BCL7A: variants seen among roughly 807,000 people sequenced by gnomAD.
BCL7A encodes BAF chromatin remodeling complex subunit BCL7A.
Under a neutral mutation model 28.4 loss-of-function variants are expected in BCL7A, and 11 were observed. That is an observed-to-expected ratio of 0.39 (90% CI 0.24 to 0.64). The LOEUF (loss-of-function observed/expected upper bound fraction) is 0.64. Among genes scored for constraint, BCL7A ranks in the 30% least tolerant of loss-of-function variants. The probability of loss-of-function intolerance (pLI) is 0.50; values close to 1 mark genes in which losing one functional copy is unlikely to be tolerated. For synonymous variants in BCL7A, 123 were observed against 103.3 expected (o/e 1.19, Z -1.15); for missense variants, 222 against 274.8 (o/e 0.81, Z 1.36).
In BCL7A at chr12:122,060,683, T is replaced by C. The variant is rs1312837237; in HGVS notation, c.*1520T>C. 2 of 233,176 alleles carry C rather than the reference T, an allele frequency of 8.6e-6. No individual in the cohort carries two copies. Among genetic ancestry groups the C allele is most frequent in the African/African-American group, 2.2e-5 (1 of 45,322 alleles). 14.4% of individuals were successfully genotyped at this position (233,176 alleles called of 1,614,324 possible). Reference sequence around the variant, plus strand: ...GGGTTTTGTTGTTTTTGGGGGCTAATTGGTGCATATTCAGGTACCACCTTT... The same window carrying C: ...GGGTTTTGTTGTTTTTGGGGGCTAACTGGTGCATATTCAGGTACCACCTTT... On this transcript the variant is annotated 3_prime_UTR_variant, in exon 6 of 6. Transcript: ENST00000261822.
At chr12:122,042,649 C>CAA (rs55633660) in intron 3 of BCL7A, among the ~76,000 whole-genome samples, 1,596 of 117,384 alleles carry the variant, frequency 0.014, 34 homozygotes, top group African/African-American at 0.05. Flanking sequence ...GACTCCATCT[C>CAA]AAAAAAAAAA....
chr12:122,031,087 T>C (rs924963188), intron 2 of BCL7A, among the ~76,000 whole-genome samples: 4 of 152,074 alleles, frequency 2.6e-5, no homozygotes, highest in African/African-American at 9.7e-5. Flanking sequence ...AGTGCAGTGG[T>C]GTGATCTTGG....
At chr12:122,025,615 A>G (rs1255003515) in intron 1 of BCL7A, among the ~76,000 whole-genome samples, 1 of 150,282 alleles carries the variant, frequency 6.7e-6, no homozygotes, top group Admixed American at 6.6e-5. Context: ...CAACAGAGCG[A>G]GACTCCATCT....
intron 4 of BCL7A, among the ~76,000 whole-genome samples, chr12:122,053,369 C>T (rs756127233): frequency 3.9e-5 from 6 of 152,194 alleles, no homozygotes; most frequent in Non-Finnish European, 8.8e-5. Context: ...CTGTCCCGTT[C>T]CCCCGCCCTC....
intron 4 of BCL7A, among the ~76,000 whole-genome samples, chr12:122,052,978 C>G (rs773800523): frequency 3.3e-5 from 5 of 149,462 alleles, no homozygotes; most frequent in Admixed American, 1.3e-4. Context: ...GCGTGAGCCA[C>G]CGTGCCTAGC....
chr12:122,024,287 C>G (rs1883560850), intron 1 of BCL7A, among the ~76,000 whole-genome samples: 2 of 152,330 alleles, frequency 1.3e-5, no homozygotes, highest in East Asian at 1.9e-4. Context: ...ATTGTCACTT[C>G]TCTAACCATG....
At chr12:122,051,050 C>T (rs1485440464) in intron 4 of BCL7A, among the ~76,000 whole-genome samples, 1 of 152,192 alleles carries the variant, frequency 6.6e-6, no homozygotes, top group Non-Finnish European at 1.5e-5. Context: ...GTTTCTCCCA[C>T]GTTGGGGGTG....
At position 122,061,553 on chromosome 12, in the gene BCL7A, G is replaced by GGGGGGGC; in HGVS notation, c.*2390_*2391insGGGGGGC. On this transcript the variant is annotated 3_prime_UTR_variant, in exon 6 of 6. Transcript: ENST00000261822. ...TGGCGCAGTCGCTCCTCGAGCCGCT[G>GGGGGGGC]CCCCCCACCCACCCTGCACCCCTCG... 4.6e-6 allele frequency: 1 copy of GGGGGGGC among 218,124 alleles called. No homozygotes were observed. The highest frequency in any genetic ancestry group is 9.2e-6 in the Non-Finnish European group (1 of 109,106). 13.5% of individuals were successfully genotyped at this position (218,124 alleles called of 1,614,324 possible). A position where few individuals can be genotyped will look rare whatever the true frequency, so the allele number is the denominator to read the frequency against.
chr12:122,055,607 A>C (rs1241840211), intron 5 of BCL7A, among the ~76,000 whole-genome samples: 3 of 152,070 alleles, frequency 2.0e-5, no homozygotes, highest in Non-Finnish European at 2.9e-5. Flanking sequence ...AGGATTTTTC[A>C]CTGTAAATCC....
At chr12:122,044,967 A>G (rs1356195098) in intron 4 of BCL7A, among the ~76,000 whole-genome samples, 2 of 152,104 alleles carry the variant, frequency 1.3e-5, no homozygotes, top group African/African-American at 4.8e-5. Context: ...GCAGTTTTAA[A>G]TGGGGTGGTC....
At position 122,061,629 on chromosome 12, in the gene BCL7A, G is replaced by A. The variant is rs192808949; in HGVS notation, c.*2466G>A. The A allele has an allele frequency of 0.016, 3,670 of 228,942 alleles. 43 individuals are homozygous for A. The highest frequency in any genetic ancestry group is 0.043 in the South Asian group (235 of 5,456). 14.2% of individuals were successfully genotyped at this position (228,942 alleles called of 1,614,324 possible). On this transcript the variant is annotated 3_prime_UTR_variant, in exon 6 of 6. Coordinates refer to ENST00000261822, the MANE Select transcript of BCL7A (RefSeq NM_001024808.3). ...ACCTTTCAGCTTCGAGCCAGGGGGC[G>A]GGGGATCCCGAGCAAAAGCCTTCCG...
rs191975446 is a variant in BCL7A, at chr12:122,050,774, C to G, written c.440-4031C>G. ...TCGTGCCACTGCACTCCAGCTTGGGCGACAGAGCGAGACCCTGTCTCAGCA... is the reference window on the plus strand; with the variant it reads ...TCGTGCCACTGCACTCCAGCTTGGGGGACAGAGCGAGACCCTGTCTCAGCA... On this transcript the variant is annotated intron_variant, in intron 4 of 5. Transcript: ENST00000261822. Among the ~76,000 whole-genome samples the G allele has an allele frequency of 1.7e-3, 266 of 152,308 alleles. 2 individuals carry two copies. The highest frequency in any genetic ancestry group is 2.7e-3 in the Non-Finnish European group (184 of 68,018).
At position 122,054,939 on chromosome 12, in the gene BCL7A, A is replaced by T; in HGVS notation, c.561+13A>T. On this transcript the variant is annotated intron_variant, in intron 5 of 5. Coordinates refer to ENST00000261822, the MANE Select transcript of BCL7A (RefSeq NM_001024808.3). ...TGCAATCTCTCAGGTACCTCGCTCG[A>T]GGTCTCAGAGGGGCAGCCAGATCGG... is the stretch of plus-strand genomic sequence containing the variant. 6.2e-7 allele frequency: 1 copy of T among 1,614,050 alleles called. No homozygotes were observed.
At position 122,021,907 on chromosome 12, in the gene BCL7A, C is replaced by T; in HGVS notation, c.-185C>T. ...GCGCACTGGGCCAGGCGCGCGGCGG[C>T]CCCGGGCTTTGTGTGTGTGTGTATG... On this transcript the variant is annotated 5_prime_UTR_variant, in exon 1 of 6. Transcript: ENST00000261822. 1 of 422,892 alleles carries T rather than the reference C, an allele frequency of 2.4e-6. No homozygotes were observed. The highest frequency in any genetic ancestry group is 4.2e-5 in the East Asian group (1 of 24,066). The allele number at this position is 422,892 out of a possible 1,614,324, so 26.2% of individuals were successfully genotyped here. A position where few individuals can be genotyped will look rare whatever the true frequency, so the allele number is the denominator to read the frequency against.
At chr12:122,022,835 G>T (rs1313242149) in intron 1 of BCL7A, among the ~76,000 whole-genome samples, 5 of 151,692 alleles carry the variant, frequency 3.3e-5, no homozygotes, top group Non-Finnish European at 7.4e-5. Flanking sequence ...AGATGGGGGC[G>T]AGCGCTGGGA....
chr12:122,052,881 G>T (rs551579432), intron 4 of BCL7A, among the ~76,000 whole-genome samples: 53 of 118,312 alleles, frequency 4.5e-4, no homozygotes, highest in Non-Finnish European at 6.0e-4. Flanking sequence ...GGGGGGGGGG[G>T]GGTTTGCCAT....
At chr12:122,033,989 C>T (rs1883793550) in intron 2 of BCL7A, among the ~76,000 whole-genome samples, 1 of 151,830 alleles carries the variant, frequency 6.6e-6, no homozygotes, top group South Asian at 2.1e-4. Flanking sequence ...ATCTGCCTCT[C>T]ATCCCTGCAT....
intron 3 of BCL7A, 120 bp from the exon 4 acceptor site, chr12:122,043,765 TC>T: frequency 2.2e-6 from 2 of 922,942 alleles, no homozygotes; most frequent in South Asian, 2.3e-5. Context: ...ACCAGACCCC[TC>T]CCCGGGAGAG....
intron 2 of BCL7A, among the ~76,000 whole-genome samples, chr12:122,034,453 T>C (rs1160131477): frequency 1.4e-5 from 2 of 144,258 alleles, no homozygotes; most frequent in Non-Finnish European, 3.0e-5. Flanking sequence ...AAAAATTGAA[T>C]GGCCGGGCAC....
Sources: allele counts gnomAD v4.1 joint callset (sites outside exome capture counted in the v4.1 genomes callset), GRCh38; gene constraint gnomAD v4.1.1; transcripts MANE v1.5; gene names NCBI Gene and HGNC (gene_info 2026-07-23, HGNC 2026-07-21).